Variants in KIAA1671 observed in about 807,000 individuals in gnomAD.
KIAA1671 encodes the protein KIAA1671, also known as uncharacterized protein KIAA1671.
A neutral mutation model predicts 131.2 loss-of-function variants in KIAA1671; 52 were observed. The ratio of observed to expected loss-of-function variants is 0.40; its 90% CI spans 0.32 to 0.50. KIAA1671 has a LOEUF of 0.50. Among genes scored for constraint, KIAA1671 ranks in the 20% least tolerant of loss-of-function variants. The probability of loss-of-function intolerance (pLI) is 0.73; values close to 1 mark genes in which losing one functional copy is unlikely to be tolerated. For synonymous variants in KIAA1671, 1,003 were observed against 961.6 expected (o/e 1.04, Z -0.80); for missense variants, 2,360 against 2,364.2 (o/e 1.00, Z 0.04).
At chr22:24,961,741 C>G (rs1300827735) in intron 1 of KIAA1671, among the ~76,000 whole-genome samples, 1 of 152,244 alleles carries the variant, frequency 6.6e-6, no homozygotes, top group African/African-American at 2.4e-5. Flanking sequence ...AAGTCTACTC[C>G]TCTCATGGAG....
intron 3 of KIAA1671, among the ~76,000 whole-genome samples, chr22:25,031,398 G>A (rs375702926): frequency 2.6e-5 from 4 of 151,798 alleles, no homozygotes; most frequent in East Asian, 3.9e-4. Context: ...AGGTTTCACC[G>A]TGTTAGTCAG....
chr22:24,974,803 C>G (rs1922831923), intron 1 of KIAA1671, among the ~76,000 whole-genome samples: 1 of 150,462 alleles, frequency 6.6e-6, no homozygotes, highest in African/African-American at 2.5e-5. Context: ...AGCAATTCTC[C>G]TGTCTCAGCC....
At chr22:25,017,843 C>T (rs554167857) in intron 1 of KIAA1671, among the ~76,000 whole-genome samples, 103 of 152,280 alleles carry the variant, frequency 6.8e-4, no homozygotes, top group Admixed American at 1.9e-3. Flanking sequence ...AAAGTGTCTT[C>T]GGTGTAACAA....
In KIAA1671 at chr22:25,177,451, T is replaced by G. The variant is rs1328841347; in HGVS notation, c.5003T>G (p.Phe1668Cys). ...TCCCACTCCCTCCGGCGCAGCCGAT[T>G]TAGTGAGTCCGAGAGCAGATCACCT... is the stretch of plus-strand genomic sequence containing the variant. The part of the protein sequence containing the change: ...PISHSLRRSR[F>C]SESESRSPLE... Residue 1668 changes from phenylalanine (F) to cysteine (C), a missense_variant, in exon 9 of 13, where the codon TTT (phenylalanine) becomes TGT (cysteine). Physicochemically the swap from Phe to Cys is radical, Grantham distance 205. Coordinates refer to ENST00000358431, the MANE Select transcript of KIAA1671 (RefSeq NM_001145206.2). 1.3e-6 allele frequency: 2 copies of G among 1,551,756 alleles called. No homozygotes were observed. Among genetic ancestry groups the G allele is most frequent in the Non-Finnish European group, 8.7e-7 (1 of 1,147,012 alleles).
chr22:25,051,433 C>T (rs1927527472), intron 6 of KIAA1671: 1 of 152,208 alleles, frequency 6.6e-6, no homozygotes, highest in African/African-American at 2.4e-5. Context: ...GGATAGTTCT[C>T]TATGACCTCA....
intron 6 of KIAA1671, among the ~76,000 whole-genome samples, chr22:25,082,564 G>A (rs1929468054): frequency 6.6e-6 from 1 of 152,230 alleles, no homozygotes; most frequent in South Asian, 2.1e-4. Flanking sequence ...CAGGCCTGGT[G>A]GCTCATGCCT....
chr22:25,107,959 T>G (rs1359697986), intron 6 of KIAA1671, among the ~76,000 whole-genome samples: 1 of 151,996 alleles, frequency 6.6e-6, no homozygotes, highest in Non-Finnish European at 1.5e-5. Flanking sequence ...AGTGAGCTGA[T>G]ATCACGCCAT....
In KIAA1671 at chr22:25,028,286, G is replaced by A; in HGVS notation, c.287G>A (p.Gly96Glu). 6.4e-7 allele frequency: 1 copy of A among 1,551,330 alleles called. No homozygotes were observed. Among genetic ancestry groups the A allele is most frequent in the Non-Finnish European group, 8.7e-7 (1 of 1,147,006 alleles). The change falls in exon 3 of 13, where the codon GGG becomes GAG. Residue 96 changes from glycine (G) to glutamate (E), a missense_variant. By Grantham distance (98) the Gly-to-Glu change is moderately conservative (BLOSUM62 -2). Coordinates refer to ENST00000358431, the MANE Select transcript of KIAA1671 (RefSeq NM_001145206.2). ...TCGACTGGACCTTCCCCCTCTGGGG[G>A]GCTCTCTGAGGAGCCAGCAGCAAAG... ...PSSTGPSPSG[G>E]LSEEPAAKDL...
At chr22:25,162,313 G>C (rs549929163) in intron 6 of KIAA1671, among the ~76,000 whole-genome samples, 1 of 152,222 alleles carries the variant, frequency 6.6e-6, no homozygotes, top group Non-Finnish European at 1.5e-5. Flanking sequence ...CGCTGGCCTG[G>C]GCCCCATGAC....
rs984490670 is a variant in KIAA1671 at position 25,031,492 on chromosome 22, G to A, written c.1542-1117G>A. 1.3e-3 allele frequency among the ~76,000 whole-genome samples: 204 copies of A among 151,878 alleles called. 3 individuals are homozygous for A. The highest frequency in any genetic ancestry group is 3.4e-3 in the Middle Eastern group (1 of 292). ...ATTACAGGCGTGAGCCACCACGCCC[G>A]GCCTAATTTTTGTATTTTTAGTAGA... is the stretch of plus-strand genomic sequence containing the variant. On this transcript the variant is annotated intron_variant, in intron 3 of 12. Transcript: ENST00000358431.
In KIAA1671 at chr22:25,190,717, T is replaced by C; in HGVS notation, c.5358T>C (p.Ser1786=). Residue 1786 remains serine, a synonymous_variant, in exon 12 of 13, where the codon TCT becomes TCC. Transcript: ENST00000358431. ...MDKDERSDEP[S]PQWLKELKSK... is the part of the protein sequence containing the mutation. The stretch of plus-strand genomic sequence containing the variant: ...GTGGTTTCAGGTCGGATGAACCCTC[T>C]CCCCAGTGGCTAAAGGAATTGAAAT... 4 of 1,551,666 alleles carry C rather than the reference T, an allele frequency of 2.6e-6. No individual in the cohort carries two copies. Among genetic ancestry groups the C allele is most frequent in the Non-Finnish European group, 2.6e-6 (3 of 1,146,888 alleles).
chr22:25,045,404 A>ACAAG (rs1927168532), intron 5 of KIAA1671, among the ~76,000 whole-genome samples: 1 of 152,220 alleles, frequency 6.6e-6, no homozygotes, highest in Non-Finnish European at 1.5e-5. Flanking sequence ...ATGCTGCCCA[A>ACAAG]CATCCTACAA....
chr22:25,004,375 G>A (rs976643678), intron 1 of KIAA1671, among the ~76,000 whole-genome samples: 2 of 152,140 alleles, frequency 1.3e-5, no homozygotes, highest in African/African-American at 2.4e-5. Flanking sequence ...CTCCTGAAGC[G>A]CTGGGATTAC....
At chr22:25,189,126 C>CTTTT (rs200226589) in intron 11 of KIAA1671, among the ~76,000 whole-genome samples, 14 of 114,868 alleles carry the variant, frequency 1.2e-4, no homozygotes, top group African/African-American at 3.0e-4. Context: ...CAGTCTTTTT[C>CTTTT]TTTTTTTTTT....
chr22:25,127,693 A>C (rs562859364), intron 6 of KIAA1671, among the ~76,000 whole-genome samples: 2 of 152,232 alleles, frequency 1.3e-5, no homozygotes, highest in Non-Finnish European at 2.9e-5. Flanking sequence ...GGAGCTGAAC[A>C]GTTAGAGATT....
At chr22:25,081,583 C>A (rs576418985) in intron 6 of KIAA1671, among the ~76,000 whole-genome samples, 77 of 151,204 alleles carry the variant, frequency 5.1e-4, no homozygotes, top group African/African-American at 1.9e-3. Flanking sequence ...CTAGAGGGCA[C>A]CCCTGTTCTA....
intron 1 of KIAA1671, among the ~76,000 whole-genome samples, chr22:25,019,212 AG>A (rs1925525689): frequency 6.6e-6 from 1 of 152,130 alleles, no homozygotes; most frequent in Non-Finnish European, 1.5e-5. Context: ...ACAGGAAGGC[AG>A]GGGTGGGATC....
In KIAA1671 at chr22:25,028,539, C is replaced by T. The variant is rs1926090845; in HGVS notation, c.540C>T (p.Ala180=). The T allele has an allele frequency of 6.5e-7, 1 of 1,549,606 alleles. No homozygotes were observed. The change falls in exon 3 of 13, where the codon GCC becomes GCT. Residue 180 remains alanine, a synonymous_variant. Coordinates refer to ENST00000358431, the MANE Select transcript of KIAA1671 (RefSeq NM_001145206.2). ...GVSGSRPEVA[A]KPALPTQKPA... ...CCGGCTCCCGGCCTGAGGTGGCTGCCAAGCCCGCCCTGCCCACCCAGAAGC... is the reference window on the plus strand; with the variant it reads ...CCGGCTCCCGGCCTGAGGTGGCTGCTAAGCCCGCCCTGCCCACCCAGAAGC...
chr22:25,093,800 C>CTCTCTG (rs1930223413), intron 6 of KIAA1671, among the ~76,000 whole-genome samples: 1 of 131,718 alleles, frequency 7.6e-6, no homozygotes, highest in African/African-American at 2.9e-5. Flanking sequence ...CTCTCTCTCT[C>CTCTCTG]TCTCTCTCTC....
Sources: gnomAD v4.1 joint callset for allele counts (sites outside exome capture counted in the v4.1 genomes callset) on GRCh38, gnomAD v4.1.1 for gene constraint, MANE v1.5 for transcripts, NCBI Gene and HGNC (gene_info 2026-07-23, HGNC 2026-07-21) for gene names.